Variants in RELN observed in about 807,000 individuals in gnomAD.
The protein encoded by RELN is reelin.
RELN carries 108 observed loss-of-function variants against 427.6 expected under a neutral mutation model. That is an observed-to-expected ratio of 0.25 (90% CI 0.22 to 0.30). The LOEUF (loss-of-function observed/expected upper bound fraction) is 0.30. RELN is among the 10% of genes least tolerant of loss of function. RELN has a pLI of 1.00. For missense variants in RELN, 3,715 were observed against 4,302.8 expected (o/e 0.86, Z 3.82); for synonymous variants, 1,524 against 1,513.4 (o/e 1.01, Z -0.16).
intron 4 of RELN, among the ~76,000 whole-genome samples, chr7:103,774,805 G>A (rs1352592455): frequency 6.6e-6 from 1 of 152,102 alleles, no homozygotes; most frequent in Non-Finnish European, 1.5e-5. Flanking sequence ...TGGATAGATT[G>A]ATATAATTTC....
rs1830938338 is a variant in RELN at position 103,573,946 on chromosome 7, G to C, written c.4511+146C>G. The stretch of plus-strand genomic sequence containing the variant: ...CCACCTATTTTATTCCAAAGCTAAA[G>C]TTATCTTCATTTTTACATATCATAA... On this transcript the variant is annotated intron_variant, in intron 30 of 64. Coordinates refer to ENST00000428762, the MANE Select transcript of RELN (RefSeq NM_005045.4). This position sits in a 1 kb window ranked among gnomAD's most constrained non-coding sequence, Gnocchi z 4.4. The C allele has an allele frequency of 1.3e-6, 1 of 745,906 alleles. No individual in the cohort carries two copies. The highest frequency in any genetic ancestry group is 1.8e-5 in the African/African-American group (1 of 56,962). The allele number at this position is 745,906 out of a possible 1,614,324, so 46.2% of individuals were successfully genotyped here. A position where few individuals can be genotyped will look rare whatever the true frequency, so the allele number is the denominator to read the frequency against.
chr7:103,989,066 G>A lies in RELN; in HGVS notation c.226+65C>T, dbSNP rs1797163719. 2.1e-6 allele frequency: 3 copies of A among 1,405,118 alleles called. No individual in the cohort carries two copies. The South Asian group carries it at 3.5e-5, about 16-fold the overall frequency. The allele number at this position is 1,405,118 out of a possible 1,614,324, so 87.0% of individuals were successfully genotyped here. On this transcript the variant is annotated intron_variant, in intron 1 of 64. Transcript: ENST00000428762. This position sits in a 1 kb window ranked among gnomAD's most constrained non-coding sequence, Gnocchi z 4.9. Reference sequence around the variant, plus strand: ...CAAGGCCCCTTGGAAGAAGGAAAGGGATGAGAAAGGTGCGCTGGCGGGCGC... The same window carrying A: ...CAAGGCCCCTTGGAAGAAGGAAAGGAATGAGAAAGGTGCGCTGGCGGGCGC...
intron 11 of RELN, among the ~76,000 whole-genome samples, chr7:103,680,545 G>A (rs1541328): frequency 0.071 from 10,833 of 151,800 alleles, 526 homozygotes; most frequent in East Asian, 0.17. Flanking sequence ...ACGAACTGGT[G>A]TGCTGGTGAT....
At chr7:103,974,245 C>T (rs1244664588) in intron 1 of RELN, among the ~76,000 whole-genome samples, 1 of 152,132 alleles carries the variant, frequency 6.6e-6, no homozygotes, top group Non-Finnish European at 1.5e-5. Context: ...CAAAACAACC[C>T]TGTGTGACGA....
In RELN at chr7:103,723,211, T is replaced by A. The variant is rs746061859; in HGVS notation, c.754-20A>T. On this transcript the variant is annotated intron_variant, in intron 7 of 64. Transcript: ENST00000428762. ...GGTAATCTAAAGAAAAAAGAATACA[T>A]AAAAATAAGACAAGACAGAGAGGAG... is the stretch of plus-strand genomic sequence containing the variant. 1.4e-6 allele frequency: 2 copies of A among 1,469,820 alleles called. No homozygotes were observed. Among genetic ancestry groups the A allele is most frequent in the East Asian group, 2.3e-5 (1 of 44,110 alleles). 91.0% of individuals were successfully genotyped at this position (1,469,820 alleles called of 1,614,324 possible).
chr7:103,847,076 C>A (rs1163380228), intron 2 of RELN, among the ~76,000 whole-genome samples: 1 of 152,134 alleles, frequency 6.6e-6, no homozygotes, highest in African/African-American at 2.4e-5. Flanking sequence ...TGGGTATATA[C>A]CCAAAGGGTT....
At chr7:103,601,946 T>TC (rs1469089060) in intron 24 of RELN, among the ~76,000 whole-genome samples, 1 of 151,760 alleles carries the variant, frequency 6.6e-6, no homozygotes, top group African/African-American at 2.4e-5. Flanking sequence ...TCATACAGAG[T>TC]CCCACATCAG....
chr7:103,919,232 T>C (rs1563091251), intron 1 of RELN, among the ~76,000 whole-genome samples: 2 of 151,102 alleles, frequency 1.3e-5, no homozygotes, highest in South Asian at 2.1e-4. Flanking sequence ...CTTCCACTTC[T>C]TCAAGAAGAT....
intron 3 of RELN, among the ~76,000 whole-genome samples, chr7:103,805,988 G>T (rs1792589507): frequency 6.6e-6 from 1 of 152,152 alleles, no homozygotes; most frequent in Admixed American, 6.5e-5. Flanking sequence ...ATTTTGAGTT[G>T]ATAAGTAAGG....
At chr7:103,710,841 T>G (rs932797610) in intron 8 of RELN, among the ~76,000 whole-genome samples, 1 of 152,086 alleles carries the variant, frequency 6.6e-6, no homozygotes, top group African/African-American at 2.4e-5. Context: ...GTCAAGAAAT[T>G]GAGACCATCC....
chr7:103,861,741 T>C (rs572726623), intron 2 of RELN, among the ~76,000 whole-genome samples: 1 of 152,212 alleles, frequency 6.6e-6, no homozygotes, highest in Non-Finnish European at 1.5e-5. Flanking sequence ...GTAAAATCAA[T>C]AGTATGATGG....
intron 2 of RELN, among the ~76,000 whole-genome samples, chr7:103,884,635 C>T (rs6944413): frequency 7.2e-5 from 11 of 152,100 alleles, no homozygotes; most frequent in African/African-American, 2.7e-4. Flanking sequence ...TATGAACAGA[C>T]ACTTCTCAAA....
At chr7:103,685,810 C>T (rs1300366029) in intron 10 of RELN, among the ~76,000 whole-genome samples, 1 of 152,050 alleles carries the variant, frequency 6.6e-6, no homozygotes, top group Non-Finnish European at 1.5e-5. Context: ...AAGCAGAACA[C>T]AGAGTAACTA....
At chr7:103,484,176 G>A (rs1828344056) in intron 61 of RELN, 4 of 322,686 alleles carry the variant, frequency 1.2e-5, no homozygotes, top group South Asian at 7.2e-5. Flanking sequence ...CACTGTGCCC[G>A]GCTGGGAAAT....
At chr7:103,795,161 A>G (rs1024682788) in intron 3 of RELN, among the ~76,000 whole-genome samples, 2 of 152,252 alleles carry the variant, frequency 1.3e-5, no homozygotes, top group Non-Finnish European at 2.9e-5. Context: ...AATCATAACA[A>G]GCTTCCTGCA....
At chr7:103,949,838 C>T (rs4729942) in intron 1 of RELN, among the ~76,000 whole-genome samples, 105,002 of 151,976 alleles carry the variant, frequency 0.69, 36,587 homozygotes, top group Middle Eastern at 0.77. Flanking sequence ...ATACTCAGCA[C>T]TGAATTACAA....
At chr7:103,509,110 A>G (rs1413173212) in intron 51 of RELN, among the ~76,000 whole-genome samples, 1 of 152,212 alleles carries the variant, frequency 6.6e-6, no homozygotes, top group Non-Finnish European at 1.5e-5. Context: ...TGCTATCCCC[A>G]TCAAGCTACT....
At chr7:103,772,488 A>T (rs529051843) in intron 4 of RELN, among the ~76,000 whole-genome samples, 1 of 152,224 alleles carries the variant, frequency 6.6e-6, no homozygotes, top group Non-Finnish European at 1.5e-5. Context: ...TGTCTGGCAC[A>T]TAACAGTGTT....
intron 1 of RELN, among the ~76,000 whole-genome samples, chr7:103,940,128 T>C (rs1796079934): frequency 6.6e-6 from 1 of 152,210 alleles, no homozygotes; most frequent in African/African-American, 2.4e-5. Flanking sequence ...CAAAAAACCA[T>C]TTTAATCTTC....
Sources: gnomAD v4.1 joint callset for allele counts (sites outside exome capture counted in the v4.1 genomes callset) on GRCh38, gnomAD v4.1.1 for gene constraint, Gnocchi (gnomAD v3.1) non-coding constraint, MANE v1.5 for transcripts, NCBI Gene and HGNC (gene_info 2026-07-23, HGNC 2026-07-21) for gene names.